ZNF710: variants seen among roughly 807,000 people sequenced by gnomAD.
ZNF710 encodes the protein zinc finger protein 710.
Under a neutral mutation model 50.6 loss-of-function variants are expected in ZNF710, and 13 were observed. That is an observed-to-expected ratio of 0.26 (90% CI 0.17 to 0.41). The LOEUF is 0.41. Among genes scored for constraint, ZNF710 ranks in the 10% least tolerant of loss-of-function variants. The pLI, the probability that ZNF710 is intolerant of heterozygous loss-of-function variation, is 1.00. For missense variants in ZNF710, 721 were observed against 936.6 expected, an observed-to-expected ratio of 0.77 and a Z score of 3.01; for synonymous variants, 383 against 397.0, an observed-to-expected ratio of 0.96 and a Z score of 0.42.
intron 1 of ZNF710, among the ~76,000 whole-genome samples, chr15:90,031,545 G>T (rs1181771015): frequency 6.6e-6 from 1 of 152,170 alleles, no homozygotes; most frequent in African/African-American, 2.4e-5. Context: ...CTGTAACTCT[G>T]GTCTCTCAAC....
chr15:90,070,859 C>T (rs1900355361), intron 2 of ZNF710, among the ~76,000 whole-genome samples: 2 of 152,268 alleles, frequency 1.3e-5, no homozygotes, highest in Middle Eastern at 3.4e-3. Flanking sequence ...CTAGGCTTGG[C>T]AATAAAACCC....
At chr15:90,056,932 C>T (rs1455852677) in intron 1 of ZNF710, among the ~76,000 whole-genome samples, 1 of 152,098 alleles carries the variant, frequency 6.6e-6, no homozygotes, top group East Asian at 1.9e-4. Context: ...CGAGGGTTCC[C>T]CAGGCTAGGG....
intron 1 of ZNF710, among the ~76,000 whole-genome samples, chr15:90,065,081 A>T (rs1191169661): frequency 6.6e-6 from 1 of 152,174 alleles, no homozygotes; most frequent in Non-Finnish European, 1.5e-5. Context: ...CTGACCCCCC[A>T]GGCCGAGGTT....
chr15:90,071,702 G>A (rs1255360679), intron 2 of ZNF710, among the ~76,000 whole-genome samples: 14 of 141,538 alleles, frequency 9.9e-5, no homozygotes, highest in Middle Eastern at 3.8e-3. Flanking sequence ...TTTTTGAGAC[G>A]GAGGCTTACT....
At position 90,068,329 on chromosome 15, in the gene ZNF710, G is replaced by A. The variant is rs374127109; in HGVS notation, c.1192G>A (p.Glu398Lys). 4.6e-5 allele frequency: 74 copies of A among 1,612,892 alleles called. No individual in the cohort carries two copies. The highest frequency in any genetic ancestry group is 1.6e-4 in the African/African-American group (12 of 74,950). Residue 398 changes from glutamate (E) to lysine (K), a missense_variant, in exon 2 of 5, where the codon GAA (glutamate) becomes AAA (lysine). Transcript: ENST00000268154. This position sits in a 1 kb window ranked among gnomAD's most constrained non-coding sequence, Gnocchi z 5.0. Reference sequence around the variant, plus strand: ...CTACCCCAGCGAGCTCAAGGCCCACGAAGTGAAGCATGAGAGTGGCCGCTG... The same window carrying A: ...CTACCCCAGCGAGCTCAAGGCCCACAAAGTGAAGCATGAGAGTGGCCGCTG... ...FAYPSELKAH[E>K]VKHESGRCHV...
At chr15:90,026,172 T>C (rs1036621698) in intron 1 of ZNF710, among the ~76,000 whole-genome samples, 2 of 151,480 alleles carry the variant, frequency 1.3e-5, no homozygotes, top group African/African-American at 4.9e-5. Flanking sequence ...GCTGATTCTG[T>C]TTTTAAACAA....
intron 1 of ZNF710, among the ~76,000 whole-genome samples, chr15:90,003,352 C>T (rs1898062400): frequency 6.6e-6 from 1 of 152,182 alleles, no homozygotes; most frequent in African/African-American, 2.4e-5. Flanking sequence ...TCCCTGTGGG[C>T]ATCTGGGAAA....
chr15:90,003,078 A>C (rs1454445727), intron 1 of ZNF710, among the ~76,000 whole-genome samples: 2 of 152,044 alleles, frequency 1.3e-5, no homozygotes, highest in Non-Finnish European at 2.9e-5. Flanking sequence ...GTTTCACCAT[A>C]TTGGCCAGGC....
chr15:90,030,329 CAAAAAAAAAAA>C (rs10685083), intron 1 of ZNF710, among the ~76,000 whole-genome samples: 31 of 50,510 alleles, frequency 6.1e-4, no homozygotes, highest in African/African-American at 1.2e-3. Flanking sequence ...AACTCCATCT[CAAAAAAAAAAA>C]AAAAAAAAAA....
chr15:90,064,407 G>A (rs1040256853), intron 1 of ZNF710, among the ~76,000 whole-genome samples: 1 of 152,212 alleles, frequency 6.6e-6, no homozygotes, highest in African/African-American at 2.4e-5. Context: ...TGAATTTGGG[G>A]CCCAAGAATG....
At chr15:90,052,894 C>T (rs1430850350) in intron 1 of ZNF710, among the ~76,000 whole-genome samples, 1 of 152,212 alleles carries the variant, frequency 6.6e-6, no homozygotes, top group Non-Finnish European at 1.5e-5. Context: ...GATGGCGCCA[C>T]TGCACCCCAG....
chr15:90,009,468 C>G (rs1462122299), intron 1 of ZNF710, among the ~76,000 whole-genome samples: 1 of 152,088 alleles, frequency 6.6e-6, no homozygotes, highest in Non-Finnish European at 1.5e-5. Flanking sequence ...CTCTGAAATT[C>G]AGAACTCTTC....
rs1898008897 is a variant in ZNF710 at position 90,001,500 on chromosome 15, G to C, written c.-143G>C. On this transcript the variant is annotated 5_prime_UTR_variant, in exon 1 of 5. Transcript: ENST00000268154. ...CAGGAGCAGGCGGCGGGCGCGCGTG[G>C]AGGCGGGCGGCGGGCGCACAGCAGC... is the stretch of plus-strand genomic sequence containing the variant. 6.7e-6 allele frequency: 1 copy of C among 150,302 alleles called. No homozygotes were observed. The highest frequency in any genetic ancestry group is 6.6e-5 in the Admixed American group (1 of 15,070). The allele number at this position is 150,302 out of a possible 1,614,324, so 9.3% of individuals were successfully genotyped here.
Position 90,051,143 on chromosome 15 carries a change from G to A in ZNF710, c.-28-15967G>A, listed in dbSNP as rs1899630753. On this transcript the variant is annotated intron_variant, in intron 1 of 4. Transcript: ENST00000268154. ...AGTCCCAGCTACTTGGGAGGCTGAG[G>A]CAGGAGAATCGCTTGAACCCGAGAG... Among the ~76,000 whole-genome samples, 4 of 151,912 alleles carry A rather than the reference G, an allele frequency of 2.6e-5. No homozygotes were observed. The South Asian group carries it at 6.2e-4, about 24-fold the overall frequency.
At chr15:90,063,212 G>C (rs570779042) in intron 1 of ZNF710, among the ~76,000 whole-genome samples, 1 of 152,140 alleles carries the variant, frequency 6.6e-6, no homozygotes, top group African/African-American at 2.4e-5. Flanking sequence ...TGTGACCTCC[G>C]CGGGTGCATA....
intron 1 of ZNF710, among the ~76,000 whole-genome samples, chr15:90,058,080 C>G (rs1488913000): frequency 2.6e-5 from 4 of 152,146 alleles, no homozygotes; most frequent in African/African-American, 9.7e-5. Context: ...GCTCCCAGGT[C>G]AGGTGTAGGT....
intron 1 of ZNF710, among the ~76,000 whole-genome samples, chr15:90,018,461 C>T (rs1032636644): frequency 1.3e-5 from 2 of 152,204 alleles, no homozygotes; most frequent in African/African-American, 4.8e-5. Context: ...AGCCACCGCG[C>T]CCAGCTGGGG....
At chr15:90,052,841 G>T (rs141131121) in intron 1 of ZNF710, among the ~76,000 whole-genome samples, 1,565 of 152,340 alleles carry the variant, frequency 0.01, 29 homozygotes, top group African/African-American at 0.035. Context: ...GCTGAGGCAG[G>T]GGAATCGCTT....
Position 90,034,202 on chromosome 15 carries a change from A to G in ZNF710, c.-29+32588A>G, listed in dbSNP as rs941011296. ...GACAGAGTGAGACTCTGTCTCAAAA[A>G]AAAAGAAAAGAAAAGAAAAGAAAAG... On this transcript the variant is annotated intron_variant, in intron 1 of 4. Transcript: ENST00000268154. This position sits in a 1 kb window ranked among gnomAD's most constrained non-coding sequence, Gnocchi z 4.0. Among the ~76,000 whole-genome samples the G allele has an allele frequency of 7.9e-5, 12 of 151,008 alleles. No homozygotes were observed. The highest frequency in any genetic ancestry group is 2.7e-4 in the African/African-American group (11 of 40,726).
Sources: allele counts gnomAD v4.1 joint callset (sites outside exome capture counted in the v4.1 genomes callset), GRCh38; gene constraint gnomAD v4.1.1; non-coding constraint Gnocchi (gnomAD v3.1); transcripts MANE v1.5; gene names NCBI Gene and HGNC (gene_info 2026-07-23, HGNC 2026-07-21).